BRD1: variants seen among roughly 807,000 people sequenced by gnomAD.
BRD1 encodes bromodomain containing 1, also known as bromodomain-containing protein 1.
BRD1 carries 24 observed loss-of-function variants against 107.7 expected under a neutral mutation model. The observed-to-expected ratio is 0.22, with a 90% confidence interval of 0.16 to 0.31. The LOEUF (loss-of-function observed/expected upper bound fraction) is 0.31, where lower values mean the gene tolerates loss of function less well. Among genes scored for constraint, BRD1 ranks in the 10% least tolerant of loss-of-function variants. The pLI is 1.00. For synonymous variants in BRD1, 744 were observed against 686.1 expected (o/e 1.08, Z -1.32); for missense variants, 1,279 against 1,638.6 (o/e 0.78, Z 3.79).
rs1601738557 is a variant in BRD1, at chr22:49,819,193, G to C, written c.1367+3758C>G. Reference sequence around the variant, plus strand: ...GAGGATCGCTTGAACCTGGGAGGTGGAGGCTGCAGTGAGCCGAGATTATGC... The same window carrying C: ...GAGGATCGCTTGAACCTGGGAGGTGCAGGCTGCAGTGAGCCGAGATTATGC... On this transcript the variant is annotated intron_variant, in intron 2 of 12. Transcript: ENST00000404760. Among the ~76,000 whole-genome samples the C allele has an allele frequency of 3.9e-5, 6 of 152,252 alleles. No homozygotes were observed. In the South Asian group the frequency reaches 1.2e-3, roughly 32 times the overall value.
chr22:49,801,360 G>C lies in BRD1; in HGVS notation c.1525-2241C>G, dbSNP rs112344441. Among the ~76,000 whole-genome samples, 254 of 152,110 alleles carry C rather than the reference G, an allele frequency of 1.7e-3. 1 individual carries two copies. The highest frequency in any genetic ancestry group is 5.6e-3 in the African/African-American group (231 of 41,406). On this transcript the variant is annotated intron_variant, in intron 3 of 12. Coordinates refer to ENST00000404760, the MANE Select transcript of BRD1 (RefSeq NM_001304808.3). Reference sequence around the variant, plus strand: ...CGCTGCAGCACCCTCGGCGCCTGCTGGCCTCTCAAGAGACCCCGTCCAGTT... The same window carrying C: ...CGCTGCAGCACCCTCGGCGCCTGCTCGCCTCTCAAGAGACCCCGTCCAGTT...
chr22:49,807,862 C>A (rs2059774047), intron 2 of BRD1, among the ~76,000 whole-genome samples: 1 of 152,072 alleles, frequency 6.6e-6, no homozygotes, highest in Non-Finnish European at 1.5e-5. Flanking sequence ...TATCCAGAAA[C>A]TCCTAAAACT....
At chr22:49,800,014 G>A (rs990678478) in intron 3 of BRD1, among the ~76,000 whole-genome samples, 6 of 152,268 alleles carry the variant, frequency 3.9e-5, no homozygotes, top group African/African-American at 1.4e-4. Flanking sequence ...TGCAGGACAC[G>A]CGCGCCCTGC....
chr22:49,781,575 G>A (rs141546639), intron 8 of BRD1, among the ~76,000 whole-genome samples: 34 of 152,348 alleles, frequency 2.2e-4, no homozygotes, highest in Middle Eastern at 6.8e-3. Context: ...CCATGGGAAC[G>A]CAACCCCACA....
chr22:49,797,594 A>G (rs1349853172), intron 6 of BRD1, among the ~76,000 whole-genome samples: 1 of 152,248 alleles, frequency 6.6e-6, no homozygotes, highest in Non-Finnish European at 1.5e-5. Flanking sequence ...ACTCTTCCAT[A>G]CACTGAGTAA....
chr22:49,774,995 C>T (rs2059053558), intron 12 of BRD1, among the ~76,000 whole-genome samples: 1 of 152,352 alleles, frequency 6.6e-6, no homozygotes, highest in East Asian at 1.9e-4. Context: ...GCCCGGGCCA[C>T]GTGCGCAGGG....
rs141834733 is a variant in BRD1, at chr22:49,821,361, C to T, written c.1367+1590G>A. ...ACCTCTTATACAGAAGCTCTTAATA[C>T]AAACCCTAGACTTTTTGACTCATAG... On this transcript the variant is annotated intron_variant, in intron 2 of 12. Transcript: ENST00000404760. Among the ~76,000 whole-genome samples, 46 of 152,304 alleles carry T rather than the reference C, an allele frequency of 3.0e-4. 1 individual carries two copies. The highest frequency in any genetic ancestry group is 3.4e-3 in the Middle Eastern group (1 of 294).
intron 7 of BRD1, among the ~76,000 whole-genome samples, chr22:49,793,138 G>A (rs922192852): frequency 3.3e-5 from 5 of 152,182 alleles, no homozygotes; most frequent in South Asian, 2.1e-4. Flanking sequence ...TCGTGTAACC[G>A]GAGCGTGTCA....
At chr22:49,788,023 G>T (rs761723437) in intron 7 of BRD1, 136 bp from the exon 8 acceptor site, 3 of 899,834 alleles carry the variant, frequency 3.3e-6, no homozygotes, top group Non-Finnish European at 4.8e-6. Flanking sequence ...CTGTCTGCTC[G>T]GCAGTGTGGG....
At chr22:49,815,565 CT>C in intron 2 of BRD1, among the ~76,000 whole-genome samples, 1 of 150,068 alleles carries the variant, frequency 6.7e-6, no homozygotes, top group South Asian at 2.1e-4. Flanking sequence ...AAAAAAAAAA[CT>C]GTTTCCAGAT....
At chr22:49,780,490 G>C (rs1393308264) in intron 8 of BRD1, among the ~76,000 whole-genome samples, 2 of 152,048 alleles carry the variant, frequency 1.3e-5, no homozygotes, top group Non-Finnish European at 2.9e-5. Context: ...TGGGACAGCT[G>C]CAAGGCTTGC....
At chr22:49,826,284 G>A (rs1430120208) in intron 1 of BRD1, 3 of 984,654 alleles carry the variant, frequency 3.0e-6, no homozygotes. Context: ...TCTACAAGGG[G>A]AGAACTGAAC....
At chr22:49,808,486 CAG>C (rs2059786790) in intron 2 of BRD1, among the ~76,000 whole-genome samples, 1 of 152,090 alleles carries the variant, frequency 6.6e-6, no homozygotes, top group Non-Finnish European at 1.5e-5. Flanking sequence ...TTCATGGAGA[CAG>C]GGAGTAGAAC....
intron 2 of BRD1, among the ~76,000 whole-genome samples, chr22:49,821,514 G>C (rs1409488243): frequency 6.6e-6 from 1 of 152,148 alleles, no homozygotes; most frequent in Non-Finnish European, 1.5e-5. Flanking sequence ...TGTCTGAATT[G>C]ACTAATTATC....
rs2059581506 is a variant in BRD1 at position 49,798,635 on chromosome 22, G to A, written c.1708C>T (p.Leu570=). The A allele has an allele frequency of 1.2e-6, 2 of 1,613,520 alleles. No individual in the cohort carries two copies. The highest frequency in any genetic ancestry group is 2.2e-5 in the South Asian group (2 of 91,064). Residue 570 remains leucine, a synonymous_variant, in exon 5 of 13, where the codon CTG becomes TTG. Transcript: ENST00000404760. ...MELRLTPLTV[L]LRSVLDQLQD... is the part of the protein sequence containing the mutation. Reference sequence around the variant, plus strand: ...AGCTGGTCCAGCACTGAGCGCAGCAGCACCGTCAGCGGGGTCAGCCGCAGC... The same window carrying A: ...AGCTGGTCCAGCACTGAGCGCAGCAACACCGTCAGCGGGGTCAGCCGCAGC...
In BRD1 at chr22:49,774,004, T is replaced by C. The variant is rs4468; in HGVS notation, c.*229A>G. On this transcript the variant is annotated 3_prime_UTR_variant, in exon 13 of 13. Transcript: ENST00000404760. ...AGAAAGTGACGCCAGCAGCACGGCC[T>C]GGGGACGTGCGACAGACGCACTGGG... is the stretch of plus-strand genomic sequence containing the variant. The C allele has an allele frequency of 0.47, 215,452 of 456,286 alleles. 55,113 individuals are homozygous for C. The highest frequency in any genetic ancestry group is 0.78 in the African/African-American group (38,795 of 49,564). The allele number at this position is 456,286 out of a possible 1,614,324, so 28.3% of individuals were successfully genotyped here.
intron 3 of BRD1, among the ~76,000 whole-genome samples, chr22:49,800,602 G>A (rs528935075): frequency 1.3e-5 from 2 of 152,314 alleles, no homozygotes; most frequent in Admixed American, 1.3e-4. Context: ...TGGCTGCTAA[G>A]CAAACTTACT....
rs76863910 is a variant in BRD1, at chr22:49,789,495, C to T, written c.2360-1608G>A. 3.6e-3 allele frequency among the ~76,000 whole-genome samples: 539 copies of T among 150,818 alleles called. 3 individuals are homozygous for T. Among genetic ancestry groups the T allele is most frequent in the African/African-American group, 0.012 (491 of 41,024 alleles). On this transcript the variant is annotated intron_variant, in intron 7 of 12. Transcript: ENST00000404760. The stretch of plus-strand genomic sequence containing the variant: ...TCCTCTTCCACCTCCTAGCCTCCCC[C>T]CCCCGCCCCGAGCTCTCGCCCTGAT...
chr22:49,804,584 C>T (rs150739822), intron 2 of BRD1, among the ~76,000 whole-genome samples: 21 of 152,290 alleles, frequency 1.4e-4, no homozygotes, highest in African/African-American at 4.8e-4. Flanking sequence ...CACAGTGGCT[C>T]CTGCCTGTAA....
Sources: allele counts gnomAD v4.1 joint callset (sites outside exome capture counted in the v4.1 genomes callset), GRCh38; gene constraint gnomAD v4.1.1; transcripts MANE v1.5; gene names NCBI Gene and HGNC (gene_info 2026-07-23, HGNC 2026-07-21).